Variants in ABCB5 observed in about 807,000 individuals in gnomAD.
ABCB5 encodes ATP binding cassette subfamily B member 5.
In ABCB5, 155 loss-of-function variants were observed where a neutral mutation model predicts 144.2. The observed-to-expected ratio is 1.08, with a 90% confidence interval of 0.94 to 1.23. ABCB5 has a LOEUF of 1.23. Among genes scored for constraint, ABCB5 ranks in the 50% most tolerant of loss-of-function variants. The pLI is 0.00. For missense variants in ABCB5, 1,830 were observed against 1,520.8 expected (o/e 1.20, Z -3.38); for synonymous variants, 610 against 528.6 (o/e 1.15, Z -2.11).
chr7:20,717,370 G>C (rs1208857444), intron 20 of ABCB5, among the ~76,000 whole-genome samples: 1 of 151,922 alleles, frequency 6.6e-6, no homozygotes, highest in African/African-American at 2.4e-5. Flanking sequence ...CTTGTAGTTG[G>C]CTGTCTTCTA....
At chr7:20,643,404 C>T in intron 6 of ABCB5, 29 bp downstream of exon 6, 1 of 1,613,308 alleles carries the variant, frequency 6.2e-7, no homozygotes, top group Non-Finnish European at 8.5e-7. Context: ...AGTACGTTAG[C>T]TTTGTTTTCA....
chr7:20,687,021 A>T (rs1786024984), intron 16 of ABCB5, among the ~76,000 whole-genome samples: 1 of 152,194 alleles, frequency 6.6e-6, no homozygotes, highest in Non-Finnish European at 1.5e-5. Flanking sequence ...TTTTCTGCTA[A>T]TTTTATTTTT....
chr7:20,713,477 C>T (rs1020631076), intron 20 of ABCB5, among the ~76,000 whole-genome samples: 18 of 149,620 alleles, frequency 1.2e-4, no homozygotes, highest in African/African-American at 4.4e-4. Context: ...TTCACGTGGT[C>T]CTCCCACCTT....
intron 16 of ABCB5, among the ~76,000 whole-genome samples, chr7:20,688,591 C>T (rs1786086503): frequency 1.3e-5 from 2 of 152,160 alleles, no homozygotes; most frequent in Non-Finnish European, 1.5e-5. Flanking sequence ...ACTAGAAATA[C>T]CATTTGACCC....
At chr7:20,691,685 G>A (rs1786236988) in intron 16 of ABCB5, among the ~76,000 whole-genome samples, 1 of 151,852 alleles carries the variant, frequency 6.6e-6, no homozygotes, top group Admixed American at 6.6e-5. Context: ...TGTTAAGAAA[G>A]ATATTGCCTC....
At chr7:20,644,105 A>C (rs1353471501) in intron 7 of ABCB5, among the ~76,000 whole-genome samples, 1 of 145,674 alleles carries the variant, frequency 6.9e-6, no homozygotes. Context: ...TTTTTTTTTG[A>C]GGCAAGGTCT....
chr7:20,743,430 C>T (rs1177249383), intron 25 of ABCB5, among the ~76,000 whole-genome samples: 1 of 152,082 alleles, frequency 6.6e-6, no homozygotes, highest in African/African-American at 2.4e-5. Context: ...CACTGTCCTC[C>T]ACCTCCTTAG....
intron 21 of ABCB5, among the ~76,000 whole-genome samples, chr7:20,724,572 T>G (rs1258837364): frequency 2.2e-5 from 3 of 138,332 alleles, no homozygotes; most frequent in African/African-American, 5.5e-5. Context: ...GAGGTTGCAG[T>G]GAGCTGAGAT....
chr7:20,647,270 A>C (rs1315272787), intron 9 of ABCB5: 9 of 1,184,068 alleles, frequency 7.6e-6, no homozygotes, highest in Non-Finnish European at 8.3e-6. Flanking sequence ...TGATAACCAC[A>C]AGACTATGAG....
Position 20,755,602 on chromosome 7 carries a change from T to C in ABCB5, c.3752T>C (p.Val1251Ala). ...AATCGAGACATATATTTTAAGTTAG[T>C]GAATGCACAGTCAGTGCAGTGATGC... The part of the protein sequence containing the change: ...LRNRDIYFKL[V>A]NAQSVQ Residue 1251 changes from valine to alanine, a missense_variant, in exon 28 of 28, where the codon GTG becomes GCG. Val to Ala is a moderately conservative substitution (Grantham distance 64). Coordinates refer to ENST00000404938, the MANE Select transcript of ABCB5 (RefSeq NM_001163941.2). 1 of 1,614,158 alleles carries C rather than the reference T, an allele frequency of 6.2e-7. No homozygotes were observed. Among genetic ancestry groups the C allele is most frequent in the Admixed American group, 1.7e-5 (1 of 60,018 alleles).
intron 13 of ABCB5, 125 bp from the exon 14 acceptor site, chr7:20,658,381 A>T: frequency 1.3e-6 from 1 of 762,778 alleles, no homozygotes; most frequent in Non-Finnish European, 2.0e-6. Flanking sequence ...CAAAAGACAT[A>T]AGCACCCAGA....
Position 20,728,319 on chromosome 7 carries a change from A to T in ABCB5, c.2731A>T (p.Thr911Ser). The T allele has an allele frequency of 6.2e-7, 1 of 1,613,918 alleles. No individual in the cohort carries two copies. Among genetic ancestry groups the T allele is most frequent in the Non-Finnish European group, 8.5e-7 (1 of 1,179,878 alleles). The part of the protein sequence containing the change: ...EEMLQTQHRN[T>S]SKKAQIIGSC... ...GGTAAATTTTGTACATTCCAGAAAT[A>T]CCTCGAAGAAAGCACAGATTATTGG... Residue 911 changes from threonine (T) to serine (S), a missense_variant, in exon 23 of 28, where the codon ACC (threonine) becomes TCC (serine). Physicochemically the swap from Thr to Ser is moderately conservative, Grantham distance 58 (BLOSUM62 1). Coordinates refer to ENST00000404938, the MANE Select transcript of ABCB5 (RefSeq NM_001163941.2).
In ABCB5 at chr7:20,681,515, G is replaced by T; in HGVS notation, c.1718G>T (p.Gly573Val). The change falls in exon 15 of 28, where the codon GGT becomes GTT. Residue 573 changes from glycine to valine, a missense_variant. Transcript: ENST00000404938. ...VQAALEKASK[G>V]RTTIVVAHRL... ...CATTTTATTCTGTAGGCGAGCAAAGGTCGGACTACAATCGTGGTAGCACAC... is the reference window on the plus strand; with the variant it reads ...CATTTTATTCTGTAGGCGAGCAAAGTTCGGACTACAATCGTGGTAGCACAC... The T allele has an allele frequency of 1.2e-6, 2 of 1,614,118 alleles. No individual in the cohort carries two copies. Among genetic ancestry groups the T allele is most frequent in the Non-Finnish European group, 1.7e-6 (2 of 1,179,998 alleles).
intron 20 of ABCB5, among the ~76,000 whole-genome samples, chr7:20,710,386 G>GC (rs1368537311): frequency 8.2e-6 from 1 of 121,606 alleles, no homozygotes; most frequent in African/African-American, 3.0e-5. Flanking sequence ...AAAAAAGTGG[G>GC]GGGGGGGCAT....
chr7:20,741,387 A>G (rs1782556202), intron 24 of ABCB5, among the ~76,000 whole-genome samples: 1 of 152,052 alleles, frequency 6.6e-6, no homozygotes, highest in African/African-American at 2.4e-5. Flanking sequence ...CTGTTTTTTT[A>G]AAACCTTTTT....
At position 20,682,212 on chromosome 7, in the gene ABCB5, G is replaced by GAACA. The variant is rs1026834019; in HGVS notation, c.1869+561_1869+564dup. On this transcript the variant is annotated intron_variant, in intron 15 of 27. Coordinates refer to ENST00000404938, the MANE Select transcript of ABCB5 (RefSeq NM_001163941.2). ...GAGCGAGACTCCATTTCAAAAAAAC[G>GAACA]AACAAACAAACAAACAAAAACTTGT... 3.3e-5 allele frequency among the ~76,000 whole-genome samples: 5 copies of GAACA among 152,044 alleles called. No individual in the cohort carries two copies. The South Asian group carries it at 1.0e-3, about 32-fold the overall frequency.
intron 14 of ABCB5, among the ~76,000 whole-genome samples, chr7:20,679,732 A>G (rs1785729915): frequency 6.6e-6 from 1 of 152,188 alleles, no homozygotes; most frequent in African/African-American, 2.4e-5. Context: ...AAATAAAAAT[A>G]TGATAGTTCT....
chr7:20,689,110 G>A (rs1289835154), intron 16 of ABCB5, among the ~76,000 whole-genome samples: 1 of 151,980 alleles, frequency 6.6e-6, no homozygotes, highest in African/African-American at 2.4e-5. Flanking sequence ...AGAACTTAAA[G>A]TATAATAATA....
intron 23 of ABCB5, 86 bp downstream of exon 23, chr7:20,728,541 G>A: frequency 6.8e-7 from 1 of 1,462,264 alleles, no homozygotes; most frequent in East Asian, 2.5e-5. Context: ...ATCACTTGAG[G>A]TCAGGAGTTT....
Sources: gnomAD v4.1 joint callset for allele counts (sites outside exome capture counted in the v4.1 genomes callset) on GRCh38, gnomAD v4.1.1 for gene constraint, MANE v1.5 for transcripts, NCBI Gene and HGNC (gene_info 2026-07-23, HGNC 2026-07-21) for gene names.